The following FOXN3 variants were observed in gnomAD, a reference collection of about 807,000 sequenced individuals.
The protein encoded by FOXN3 is forkhead box N3.
Under a neutral mutation model 38.4 loss-of-function variants are expected in FOXN3, and 7 were observed. The ratio of observed to expected loss-of-function variants is 0.18; its 90% CI spans 0.10 to 0.34. The LOEUF (loss-of-function observed/expected upper bound fraction) is 0.34. Among genes scored for constraint, FOXN3 ranks in the 10% least tolerant of loss-of-function variants. The probability of loss-of-function intolerance (pLI) is 1.00; values close to 1 mark genes in which losing one functional copy is unlikely to be tolerated. For synonymous variants in FOXN3, 230 were observed against 242.2 expected (o/e 0.95, Z 0.47); for missense variants, 456 against 613.4 (o/e 0.74, Z 2.71).
rs749196753 is a variant in FOXN3, at chr14:89,164,756, G to C, written c.852-1787C>G. On this transcript the variant is annotated intron_variant, in intron 5 of 5. Coordinates refer to ENST00000557258, the MANE Select transcript of FOXN3 (RefSeq NM_005197.4). The surrounding 1 kb of genome is among the most constrained non-coding windows in gnomAD (Gnocchi z 4.3). ...TACGGCACTGGTAGAAGGGCTGTGG[G>C]GTCAGGACCACCAGTGAGATAACAG... Among the ~76,000 whole-genome samples, 1 of 152,130 alleles carries C rather than the reference G, an allele frequency of 6.6e-6. No homozygotes were observed. The highest frequency in any genetic ancestry group is 2.4e-5 in the African/African-American group (1 of 41,426).
At chr14:89,349,343 A>G (rs1888879311) in intron 3 of FOXN3, among the ~76,000 whole-genome samples, 1 of 152,232 alleles carries the variant, frequency 6.6e-6, no homozygotes, top group Non-Finnish European at 1.5e-5. Context: ...GTCATTTCGA[A>G]TAAAGTATGC....
chr14:89,453,977 GT>G (rs1892670215), intron 1 of FOXN3, among the ~76,000 whole-genome samples: 1 of 151,194 alleles, frequency 6.6e-6, no homozygotes, highest in Admixed American at 6.6e-5. Context: ...TGAGGGTGGG[GT>G]CCCCAAGATG....
At chr14:89,335,202 T>C (rs1245157075) in intron 3 of FOXN3, among the ~76,000 whole-genome samples, 1 of 152,186 alleles carries the variant, frequency 6.6e-6, no homozygotes, top group East Asian at 1.9e-4. Flanking sequence ...CATCACACTG[T>C]ACGCCTTAAA....
At chr14:89,402,847 A>C (rs1179831678) in intron 2 of FOXN3, among the ~76,000 whole-genome samples, 1 of 152,228 alleles carries the variant, frequency 6.6e-6, no homozygotes, top group Admixed American at 6.5e-5. Context: ...TAGCTTGTTT[A>C]AATCATTGTT....
At position 89,511,276 on chromosome 14, in the gene FOXN3, TTTCTTTC is replaced by T. The variant is rs1894085034; in HGVS notation, c.-14-98793_-14-98787del. Among the ~76,000 whole-genome samples, 2 of 40,480 alleles carry T rather than the reference TTTCTTTC, an allele frequency of 4.9e-5. 1 individual carries two copies. The highest frequency in any genetic ancestry group is 1.8e-3 in the South Asian group (2 of 1,124). The allele number at this position is 40,480 out of a possible 152,430, so 26.6% of individuals were successfully genotyped here. A position where few individuals can be genotyped will look rare whatever the true frequency, so the allele number is the denominator to read the frequency against. On this transcript the variant is annotated intron_variant, in intron 1 of 6. Transcript: ENST00000345097. ...CTTTCTTTCTTTCTTTCTTTCTTTC[TTTCTTTC>T]TTTCTTTCTTTCTTTCTTTCTTTCT...
At chr14:89,284,301 T>G in intron 3 of FOXN3, 1 of 360,778 alleles carries the variant, frequency 2.8e-6, no homozygotes, top group Non-Finnish European at 5.5e-6. Flanking sequence ...TGAGGTACCA[T>G]GCCCGGCCAC....
chr14:89,513,653 G>T (rs1045045865), intron 1 of FOXN3, among the ~76,000 whole-genome samples: 2 of 152,076 alleles, frequency 1.3e-5, no homozygotes, highest in African/African-American at 4.8e-5. Context: ...GGAGTGCAAT[G>T]GCACGATCTC....
chr14:89,471,254 A>G (rs1264836291), intron 1 of FOXN3, among the ~76,000 whole-genome samples: 1 of 152,144 alleles, frequency 6.6e-6, no homozygotes, highest in East Asian at 1.9e-4. Context: ...GACAGTGCTG[A>G]AGAGCTGAAG....
At chr14:89,527,266 C>G (rs929405158) in intron 1 of FOXN3, among the ~76,000 whole-genome samples, 2 of 152,122 alleles carry the variant, frequency 1.3e-5, no homozygotes, top group Non-Finnish European at 2.9e-5. Context: ...AAACATAAGA[C>G]TATAAAACTG....
At chr14:89,587,506 G>A (rs747239837) in intron 1 of FOXN3, among the ~76,000 whole-genome samples, 6 of 152,138 alleles carry the variant, frequency 3.9e-5, no homozygotes, top group Non-Finnish European at 8.8e-5. Flanking sequence ...CTCATGTAAA[G>A]GCAACGAAAT....
chr14:89,384,473 C>T (rs1890739642), intron 2 of FOXN3, among the ~76,000 whole-genome samples: 1 of 152,178 alleles, frequency 6.6e-6, no homozygotes, highest in Non-Finnish European at 1.5e-5. Context: ...AAGCTACTTA[C>T]TATGGGCAGA....
intron 1 of FOXN3, among the ~76,000 whole-genome samples, chr14:89,529,465 T>C (rs1424017914): frequency 2.0e-5 from 3 of 152,200 alleles, no homozygotes; most frequent in Non-Finnish European, 4.4e-5. Flanking sequence ...CCTATAGTGT[T>C]TCTCTCTCCC....
intron 4 of FOXN3, among the ~76,000 whole-genome samples, chr14:89,223,678 C>T (rs1016253605): frequency 4.6e-5 from 7 of 152,158 alleles, no homozygotes; most frequent in Non-Finnish European, 5.9e-5. Context: ...AGAGGTGGGC[C>T]GGGTGCGGCG....
intron 1 of FOXN3, among the ~76,000 whole-genome samples, chr14:89,519,227 T>C (rs1287843356): frequency 2.0e-5 from 3 of 152,036 alleles, no homozygotes; most frequent in African/African-American, 7.2e-5. Context: ...TCCCAGTGTA[T>C]CTGAAGGAAA....
chr14:89,490,517 C>T (rs989612870), intron 1 of FOXN3, among the ~76,000 whole-genome samples: 4 of 152,212 alleles, frequency 2.6e-5, no homozygotes, highest in East Asian at 1.9e-4. Flanking sequence ...CCAACTCTCT[C>T]GCTTTGAAGA....
intron 1 of FOXN3, among the ~76,000 whole-genome samples, chr14:89,515,012 G>T (rs1756302): frequency 0.85 from 128,510 of 151,756 alleles, 55,210 homozygotes; most frequent in Non-Finnish European, 0.92. Context: ...CTCCGCATCC[G>T]GAGTTCAAGC....
intron 4 of FOXN3, among the ~76,000 whole-genome samples, chr14:89,252,831 G>A (rs1340459871): frequency 5.9e-5 from 9 of 152,186 alleles, no homozygotes; most frequent in African/African-American, 9.7e-5. Flanking sequence ...AGAAACAACA[G>A]ATACAGTGTG....
chr14:89,583,390 G>C (rs569524881), intron 1 of FOXN3, among the ~76,000 whole-genome samples: 1 of 152,222 alleles, frequency 6.6e-6, no homozygotes, highest in African/African-American at 2.4e-5. Flanking sequence ...TCTCTCTCCT[G>C]CTCTTTTGCC....
At chr14:89,468,437 G>C (rs981060655) in intron 1 of FOXN3, among the ~76,000 whole-genome samples, 2 of 151,730 alleles carry the variant, frequency 1.3e-5, no homozygotes, top group Non-Finnish European at 2.9e-5. Flanking sequence ...CTGGGTGACA[G>C]AGGAAGGCTG....
Sources: gnomAD v4.1 joint callset for allele counts (sites outside exome capture counted in the v4.1 genomes callset) on GRCh38, gnomAD v4.1.1 for gene constraint, Gnocchi (gnomAD v3.1) non-coding constraint, MANE v1.5 for transcripts, NCBI Gene and HGNC (gene_info 2026-07-23, HGNC 2026-07-21) for gene names.